Variants in RALYL observed in about 807,000 individuals in gnomAD.
RALYL encodes RALY RNA binding protein like, also known as RNA-binding Raly-like protein.
RALYL carries 29 observed loss-of-function variants against 35.1 expected under a neutral mutation model. The ratio of observed to expected loss-of-function variants is 0.83; its 90% CI spans 0.61 to 1.13. The LOEUF is 1.13. Among genes scored for constraint, RALYL ranks in the 50% most tolerant of loss-of-function variants. The pLI, the probability that RALYL is intolerant of heterozygous loss-of-function variation, is 0.00. For synonymous variants in RALYL, 120 were observed against 127.6 expected, an observed-to-expected ratio of 0.94 and a Z score of 0.40; for missense variants, 359 against 360.4, an observed-to-expected ratio of 1.00 and a Z score of 0.03.
At chr8:84,763,029 A>G (rs1180891890) in intron 2 of RALYL, among the ~76,000 whole-genome samples, 1 of 152,196 alleles carries the variant, frequency 6.6e-6, no homozygotes, top group East Asian at 1.9e-4. Context: ...GTTATATTCT[A>G]GGGTTGTATA....
intron 1 of RALYL, among the ~76,000 whole-genome samples, chr8:84,362,840 T>G (rs1208887997): frequency 6.6e-6 from 1 of 152,090 alleles, no homozygotes; most frequent in African/African-American, 2.4e-5. Flanking sequence ...CTTTCTTATT[T>G]AAAAAAATTA....
intron 1 of RALYL, among the ~76,000 whole-genome samples, chr8:84,409,237 T>A (rs566090507): frequency 6.6e-6 from 1 of 152,260 alleles, no homozygotes; most frequent in South Asian, 2.1e-4. Context: ...CATTTACTCA[T>A]GTATATGTTA....
intron 1 of RALYL, among the ~76,000 whole-genome samples, chr8:84,241,625 A>G (rs1377614618): frequency 6.6e-6 from 1 of 152,018 alleles, no homozygotes; most frequent in Non-Finnish European, 1.5e-5. Flanking sequence ...AAAATATGAA[A>G]AAACTAGCCG....
chr8:84,478,053 T>C (rs2053620863), intron 1 of RALYL, among the ~76,000 whole-genome samples: 1 of 152,154 alleles, frequency 6.6e-6, no homozygotes, highest in Admixed American at 6.5e-5. Context: ...TTTAATATTT[T>C]AAGACTCCTG....
chr8:84,232,064 TCAGTACTCCGCCCTTTA>T (rs1825503139), intron 1 of RALYL, among the ~76,000 whole-genome samples: 1 of 152,138 alleles, frequency 6.6e-6, no homozygotes, highest in South Asian at 2.1e-4. Flanking sequence ...AAAGGTCTGG[TCAGTACTCCGCCCTTTA>T]CACCAATATA....
intron 2 of RALYL, among the ~76,000 whole-genome samples, chr8:84,544,517 C>T (rs1242390679): frequency 1.3e-5 from 2 of 150,986 alleles, no homozygotes; most frequent in East Asian, 2.0e-4. Context: ...TGTAGATGCT[C>T]CATGTGCCAT....
At chr8:84,545,503 A>G (rs960461846) in intron 2 of RALYL, among the ~76,000 whole-genome samples, 1 of 152,172 alleles carries the variant, frequency 6.6e-6, no homozygotes, top group Non-Finnish European at 1.5e-5. Flanking sequence ...AAATAAACAT[A>G]AAGGGTTGAC....
At chr8:84,611,041 A>G (rs7824129) in intron 2 of RALYL, among the ~76,000 whole-genome samples, 12,216 of 152,114 alleles carry the variant, frequency 0.08, 1,241 homozygotes, top group African/African-American at 0.24. Flanking sequence ...TAAGATCTGG[A>G]CACTAGGCAT....
intron 1 of RALYL, among the ~76,000 whole-genome samples, chr8:84,298,808 G>T (rs773227408): frequency 1.3e-5 from 2 of 151,232 alleles, no homozygotes; most frequent in Non-Finnish European, 3.0e-5. Flanking sequence ...TTGTGTGTGT[G>T]TGTGAATGGG....
chr8:84,904,725 G>A (rs1332930880), intron 8 of RALYL, among the ~76,000 whole-genome samples: 2 of 152,048 alleles, frequency 1.3e-5, no homozygotes, highest in Non-Finnish European at 2.9e-5. Flanking sequence ...TCTACAAATT[G>A]CATTGGTTAA....
At chr8:84,919,612 A>G (rs1389005742) in intron 8 of RALYL, among the ~76,000 whole-genome samples, 2 of 152,054 alleles carry the variant, frequency 1.3e-5, no homozygotes. Flanking sequence ...TGAATTGGGT[A>G]AGGAGAAAGA....
intron 1 of RALYL, among the ~76,000 whole-genome samples, chr8:84,376,141 C>T (rs1484603172): frequency 6.6e-6 from 1 of 151,788 alleles, no homozygotes; most frequent in Admixed American, 6.6e-5. Flanking sequence ...TGTAAGATAG[C>T]TTATGTTGTC....
chr8:84,384,091 T>C (rs1858621693), intron 1 of RALYL, among the ~76,000 whole-genome samples: 1 of 151,790 alleles, frequency 6.6e-6, no homozygotes, highest in African/African-American at 2.4e-5. Flanking sequence ...CTTATTCTCA[T>C]TTTTACAAAA....
chr8:84,702,793 T>C (rs140456799), intron 2 of RALYL, among the ~76,000 whole-genome samples: 146 of 152,308 alleles, frequency 9.6e-4, no homozygotes, highest in African/African-American at 3.2e-3. Context: ...TATTTGATTT[T>C]TAATGAGAAT....
intron 2 of RALYL, among the ~76,000 whole-genome samples, chr8:84,637,360 A>G (rs1188886770): frequency 6.6e-6 from 1 of 151,778 alleles, no homozygotes; most frequent in Admixed American, 6.6e-5. Flanking sequence ...AGTAGTAGTA[A>G]TAGTAGTGAA....
At chr8:84,522,501 G>A (rs1452875414) in intron 1 of RALYL, among the ~76,000 whole-genome samples, 8 of 151,950 alleles carry the variant, frequency 5.3e-5, no homozygotes, top group South Asian at 2.1e-4. Flanking sequence ...CGCCCGCCTC[G>A]GCCTCCCAAA....
chr8:84,541,370 A>T (rs1160652334), intron 2 of RALYL, among the ~76,000 whole-genome samples: 1 of 151,906 alleles, frequency 6.6e-6, no homozygotes, highest in African/African-American at 2.4e-5. Flanking sequence ...GGTTATTGAG[A>T]GGTTTGTTAC....
chr8:84,277,876 C>T (rs1286569486), intron 1 of RALYL, among the ~76,000 whole-genome samples: 4 of 152,196 alleles, frequency 2.6e-5, no homozygotes, highest in African/African-American at 7.2e-5. Flanking sequence ...GATACAGCCT[C>T]GCTCCTGGCT....
chr8:84,901,874 G>A (rs1469049947), intron 8 of RALYL, among the ~76,000 whole-genome samples: 1 of 152,114 alleles, frequency 6.6e-6, no homozygotes, highest in East Asian at 1.9e-4. Context: ...GCAAGAGTGG[G>A]AATTTGGAGG....
Sources: allele counts gnomAD v4.1 joint callset (sites outside exome capture counted in the v4.1 genomes callset), GRCh38; gene constraint gnomAD v4.1.1; transcripts MANE v1.5; gene names NCBI Gene and HGNC (gene_info 2026-07-23, HGNC 2026-07-21).